Variants in GLI2 observed in about 807,000 individuals in gnomAD.
The protein encoded by GLI2 is transcription activator GLI2.
In GLI2, 22 loss-of-function variants were observed where a neutral mutation model predicts 78.9. The observed-to-expected ratio is 0.28, with a 90% CI of 0.20 to 0.40. The LOEUF (loss-of-function observed/expected upper bound fraction) is 0.40, where lower values mean the gene tolerates loss of function less well. Ranked by LOEUF, GLI2 falls within the 10% of genes least tolerant of loss-of-function variation. The pLI is 1.00. For synonymous variants in GLI2, 974 were observed against 963.7 expected (o/e 1.01, Z -0.20); for missense variants, 2,097 against 2,213.2 (o/e 0.95, Z 1.05).
chr2:120,908,564 C>T (rs1678657641), intron 2 of GLI2, among the ~76,000 whole-genome samples: 1 of 152,186 alleles, frequency 6.6e-6, no homozygotes, highest in Non-Finnish European at 1.5e-5. Flanking sequence ...GGCCCTGCAG[C>T]CATCTGTGAT....
chr2:120,893,771 C>T (rs1176889809), intron 2 of GLI2, among the ~76,000 whole-genome samples: 1 of 152,142 alleles, frequency 6.6e-6, no homozygotes, highest in African/African-American at 2.4e-5. Flanking sequence ...TCTGAACTCC[C>T]TGGCAAAGCA....
chr2:120,896,661 ATACACCCACCCCCC>A (rs1312467940), intron 2 of GLI2, among the ~76,000 whole-genome samples: 2 of 21,292 alleles, frequency 9.4e-5, no homozygotes, highest in African/African-American at 4.5e-4. Context: ...ACACACACAC[ATACACCCACCCCCC>A]CACACACTCA....
intron 2 of GLI2, among the ~76,000 whole-genome samples, chr2:120,862,591 G>A (rs1331342561): frequency 6.6e-6 from 1 of 152,244 alleles, no homozygotes; most frequent in African/African-American, 2.4e-5. Flanking sequence ...TCCATCGTGA[G>A]CACTTTGTGT....
intron 1 of GLI2, among the ~76,000 whole-genome samples, chr2:120,756,648 T>TAC (rs1427392507): frequency 6.6e-6 from 1 of 152,208 alleles, no homozygotes; most frequent in Non-Finnish European, 1.5e-5. Flanking sequence ...AAAACAGTTC[T>TAC]TTAAAATTTC....
intron 2 of GLI2, among the ~76,000 whole-genome samples, chr2:120,810,761 C>T (rs970092261): frequency 6.6e-5 from 10 of 152,196 alleles, no homozygotes; most frequent in East Asian, 1.9e-4. Flanking sequence ...TCTGGTCCTC[C>T]GTAACTCAGA....
At chr2:120,893,743 T>C (rs1355334694) in intron 2 of GLI2, among the ~76,000 whole-genome samples, 1 of 151,012 alleles carries the variant, frequency 6.6e-6, no homozygotes, top group African/African-American at 2.4e-5. Flanking sequence ...TTTAGCAAAC[T>C]AATGTGGACA....
chr2:120,937,771 G>T (rs1246316169), intron 3 of GLI2, among the ~76,000 whole-genome samples: 1 of 152,246 alleles, frequency 6.6e-6, no homozygotes, highest in Admixed American at 6.5e-5. Flanking sequence ...TATGTGAGCT[G>T]CTCAGGATTC....
intron 5 of GLI2, 44 bp from the exon 6 acceptor site, chr2:120,968,670 C>G: frequency 2.9e-6 from 4 of 1,381,716 alleles, no homozygotes; most frequent in Non-Finnish European, 4.1e-6. Context: ...CCCCCTCCCC[C>G]ATCCCCAGTG....
At chr2:120,755,842 G>A (rs556742625) in intron 1 of GLI2, among the ~76,000 whole-genome samples, 18 of 152,024 alleles carry the variant, frequency 1.2e-4, no homozygotes, top group African/African-American at 3.6e-4. Context: ...TATTCTGTCC[G>A]CATCAACTTG....
At chr2:120,900,789 A>G (rs72835601) in intron 2 of GLI2, among the ~76,000 whole-genome samples, 2,730 of 152,334 alleles carry the variant, frequency 0.018, 27 homozygotes, top group Non-Finnish European at 0.022. Flanking sequence ...TCAGGATGGT[A>G]GAGGCGGCTC....
At chr2:120,839,063 C>T (rs1354894900) in intron 2 of GLI2, among the ~76,000 whole-genome samples, 1 of 152,176 alleles carries the variant, frequency 6.6e-6, no homozygotes, top group African/African-American at 2.4e-5. Flanking sequence ...GAGACTGACC[C>T]ATAAATTTCC....
intron 5 of GLI2, among the ~76,000 whole-genome samples, chr2:120,958,973 C>A (rs1262725730): frequency 1.3e-5 from 2 of 152,192 alleles, no homozygotes; most frequent in Non-Finnish European, 2.9e-5. Flanking sequence ...GAGTGAATGG[C>A]ACTTAGAAAA....
intron 3 of GLI2, among the ~76,000 whole-genome samples, chr2:120,936,315 G>A (rs959189711): frequency 1.3e-5 from 2 of 152,110 alleles, no homozygotes; most frequent in East Asian, 1.9e-4. Flanking sequence ...ATACCGAGTG[G>A]CGGAGAGACC....
intron 1 of GLI2, among the ~76,000 whole-genome samples, chr2:120,739,991 A>G (rs1682479402): frequency 6.6e-6 from 1 of 152,206 alleles, no homozygotes; most frequent in Non-Finnish European, 1.5e-5. Context: ...TGTCCTTTGA[A>G]AAAGAGTGGC....
chr2:120,974,827 GCA>G (rs1421649424), intron 8 of GLI2, 146 bp from the exon 9 acceptor site: 6 of 1,030,452 alleles, frequency 5.8e-6, no homozygotes, highest in Admixed American at 1.7e-5. Context: ...TTGTGTGTGT[GCA>G]CACACACCTG....
At chr2:120,750,148 C>T (rs1333976320) in intron 1 of GLI2, among the ~76,000 whole-genome samples, 3 of 152,236 alleles carry the variant, frequency 2.0e-5, no homozygotes, top group Non-Finnish European at 4.4e-5. Flanking sequence ...CCCTCGTGTC[C>T]CTGTCGTGAG....
intron 1 of GLI2, among the ~76,000 whole-genome samples, chr2:120,753,548 A>G (rs1456461625): frequency 9.2e-5 from 14 of 151,806 alleles, no homozygotes; most frequent in Admixed American, 9.2e-4. Flanking sequence ...TTTCTTAGCA[A>G]TTTTTCCGTC....
chr2:120,807,802 G>A (rs1044961600), intron 2 of GLI2, among the ~76,000 whole-genome samples: 5 of 152,132 alleles, frequency 3.3e-5, no homozygotes, highest in Admixed American at 1.3e-4. Flanking sequence ...ACACGTGGAC[G>A]CTGGTAACTC....
Position 120,988,787 on chromosome 2 carries a change from C to G in GLI2, c.2822C>G (p.Pro941Arg). 2.2e-6 allele frequency: 3 copies of G among 1,359,504 alleles called. No individual in the cohort carries two copies. Among genetic ancestry groups the G allele is most frequent in the Non-Finnish European group, 2.8e-6 (3 of 1,055,928 alleles). 84.2% of individuals were successfully genotyped at this position (1,359,504 alleles called of 1,614,324 possible). The change falls in exon 14 of 14, where the codon CCC becomes CGC. Residue 941 changes from proline to arginine, a missense_variant. Around this residue, in one of 5 missense-constraint regions of GLI2, gnomAD observed 1,290 missense variants for 1,261.7 expected, o/e 1.02. Transcript: ENST00000361492. The stretch of plus-strand genomic sequence containing the variant: ...CACGCGGGGGCTGCGCCCGCCTTCC[C>G]CCACGAGGCTCCAGGCGGCGGAGCC... ...HGHAGAAPAF[P>R]HEAPGGGARR...
Sources: gnomAD v4.1 joint callset for allele counts (sites outside exome capture counted in the v4.1 genomes callset) on GRCh38, gnomAD v4.1.1 for gene constraint, gnomAD v4.1.1 regional missense constraint, MANE v1.5 for transcripts, NCBI Gene and HGNC (gene_info 2026-07-23, HGNC 2026-07-21) for gene names.